Variants in KCNQ3 observed in about 807,000 individuals in gnomAD.
The protein encoded by KCNQ3 is potassium voltage-gated channel subfamily Q member 3.
Under a neutral mutation model 92.5 loss-of-function variants are expected in KCNQ3, and 30 were observed. The ratio of observed to expected loss-of-function variants is 0.32; its 90% CI spans 0.24 to 0.44. The LOEUF is 0.44. Ranked by LOEUF, KCNQ3 falls within the 20% of genes least tolerant of loss-of-function variation. KCNQ3 has a pLI of 1.00. For synonymous variants in KCNQ3, 450 were observed against 468.8 expected (o/e 0.96, Z 0.52); for missense variants, 913 against 1,140.3 (o/e 0.80, Z 2.87).
At chr8:132,422,539 G>A (rs956678173) in intron 1 of KCNQ3, among the ~76,000 whole-genome samples, 8 of 152,084 alleles carry the variant, frequency 5.3e-5, no homozygotes, top group African/African-American at 1.9e-4. Context: ...CCTTCCTTTA[G>A]TTCCTGGAAC....
chr8:132,223,121 T>C (rs1347678242), intron 1 of KCNQ3, among the ~76,000 whole-genome samples: 1 of 151,896 alleles, frequency 6.6e-6, no homozygotes, highest in Non-Finnish European at 1.5e-5. Context: ...AGTGAGATAA[T>C]ACAGAGAATA....
At chr8:132,296,799 T>C (rs1817043671) in intron 1 of KCNQ3, among the ~76,000 whole-genome samples, 1 of 151,968 alleles carries the variant, frequency 6.6e-6, no homozygotes, top group South Asian at 2.1e-4. Flanking sequence ...TTGTTGGACA[T>C]TTGGGTTGGT....
chr8:132,248,334 G>GTATATATATATATATATA (rs5895135), intron 1 of KCNQ3, among the ~76,000 whole-genome samples: 1 of 144,146 alleles, frequency 6.9e-6, no homozygotes. Flanking sequence ...TAGTCTATAA[G>GTATATATATATATATATA]TATATATATA....
chr8:132,209,804 G>T (rs1376083289), intron 1 of KCNQ3, among the ~76,000 whole-genome samples: 3 of 152,108 alleles, frequency 2.0e-5, no homozygotes, highest in African/African-American at 7.2e-5. Context: ...ATGTTCAGTA[G>T]TTCAGGTGTA....
chr8:132,337,230 TC>T (rs1339540929), intron 1 of KCNQ3, among the ~76,000 whole-genome samples: 1 of 152,226 alleles, frequency 6.6e-6, no homozygotes, highest in Non-Finnish European at 1.5e-5. Flanking sequence ...ATGCCTGTAA[TC>T]CCAGCACTTT....
At chr8:132,184,195 A>C in intron 3 of KCNQ3, 46 bp downstream of exon 3, 2 of 1,613,298 alleles carry the variant, frequency 1.2e-6, no homozygotes, top group Non-Finnish European at 1.7e-6. Flanking sequence ...CAATGCCCCA[A>C]AAGAAGGGAA....
At position 132,141,162 on chromosome 8, in the gene KCNQ3, T is replaced by C. The variant is rs763476056; in HGVS notation, c.1432A>G (p.Met478Val). ...NKERFRTAFRMKAYAFWQSSE... is the reference protein window; with the variant it reads ...NKERFRTAFRVKAYAFWQSSE... Reference sequence around the variant, plus strand: ...CTCTGCCAGAAAGCGTAGGCTTTCATGCGGAAGGCCGTGCGGAAACGCTCT... The same window carrying C: ...CTCTGCCAGAAAGCGTAGGCTTTCACGCGGAAGGCCGTGCGGAAACGCTCT... The change falls in exon 10 of 15, where the codon ATG (methionine) becomes GTG (valine). Residue 478 changes from methionine to valine, a missense_variant. By Grantham distance (21) the Met-to-Val change is conservative (BLOSUM62 1). Transcript: ENST00000388996. 9 of 1,614,178 alleles carry C rather than the reference T, an allele frequency of 5.6e-6. No individual in the cohort carries two copies. Among genetic ancestry groups the C allele is most frequent in the South Asian group, 4.4e-5 (4 of 91,086 alleles).
At chr8:132,259,332 C>T (rs999593841) in intron 1 of KCNQ3, among the ~76,000 whole-genome samples, 1 of 152,034 alleles carries the variant, frequency 6.6e-6, no homozygotes, top group Non-Finnish European at 1.5e-5. Context: ...CCCGGTAATG[C>T]AAAGTTGATT....
At chr8:132,211,377 G>A (rs1171444423) in intron 1 of KCNQ3, among the ~76,000 whole-genome samples, 1 of 152,184 alleles carries the variant, frequency 6.6e-6, no homozygotes, top group Non-Finnish European at 1.5e-5. Flanking sequence ...ACAACTGATA[G>A]CAATGCAAAA....
intron 1 of KCNQ3, among the ~76,000 whole-genome samples, chr8:132,434,165 GC>G (rs1320552821): frequency 6.9e-6 from 1 of 145,192 alleles, no homozygotes; most frequent in African/African-American, 2.5e-5. Flanking sequence ...CCGAGATCCC[GC>G]CACTGCACTC....
At chr8:132,174,600 C>T (rs537792487) in intron 5 of KCNQ3, among the ~76,000 whole-genome samples, 9 of 152,246 alleles carry the variant, frequency 5.9e-5, no homozygotes, top group East Asian at 3.9e-4. Flanking sequence ...TGTATGTACA[C>T]GAGCATTCAT....
intron 1 of KCNQ3, among the ~76,000 whole-genome samples, chr8:132,301,691 C>A (rs1345093770): frequency 6.6e-6 from 1 of 151,888 alleles, no homozygotes; most frequent in Non-Finnish European, 1.5e-5. Flanking sequence ...CAGATTCTGC[C>A]CTGAGAATTG....
At chr8:132,311,423 G>A (rs554847089) in intron 1 of KCNQ3, among the ~76,000 whole-genome samples, 2 of 152,288 alleles carry the variant, frequency 1.3e-5, no homozygotes, top group South Asian at 4.1e-4. Flanking sequence ...AGAATTGGAG[G>A]ACAGATGTGT....
At position 132,154,210 on chromosome 8, in the gene KCNQ3, T is replaced by A. The variant is rs1474837350; in HGVS notation, c.1262+9258A>T. Among the ~76,000 whole-genome samples the A allele has an allele frequency of 3.6e-4, 52 of 144,934 alleles. 2 individuals are homozygous for A. The highest frequency in any genetic ancestry group is 1.3e-3 in the African/African-American group (52 of 39,508). ...GGGTAAAAGTTTTTTTTTTTTTTTT[T>A]TTTTTTTTTTTTTAGCCAATCAGGC... On this transcript the variant is annotated intron_variant, in intron 9 of 14. Coordinates refer to ENST00000388996, the MANE Select transcript of KCNQ3 (RefSeq NM_004519.4).
intron 1 of KCNQ3, among the ~76,000 whole-genome samples, chr8:132,299,873 A>G (rs1312378163): frequency 1.3e-5 from 2 of 152,236 alleles, no homozygotes; most frequent in Non-Finnish European, 2.9e-5. Context: ...ATGCCAGGCA[A>G]TGACAGAAAT....
At chr8:132,351,370 C>T (rs1240316085) in intron 1 of KCNQ3, among the ~76,000 whole-genome samples, 2 of 152,142 alleles carry the variant, frequency 1.3e-5, no homozygotes, top group Non-Finnish European at 2.9e-5. Flanking sequence ...AAACTACATC[C>T]CTGGGGATAC....
chr8:132,296,851 C>T (rs1251149756), intron 1 of KCNQ3, among the ~76,000 whole-genome samples: 10 of 151,668 alleles, frequency 6.6e-5, no homozygotes, highest in Admixed American at 2.0e-4. Context: ...AATAAACATA[C>T]GTGTGCATGT....
intron 1 of KCNQ3, among the ~76,000 whole-genome samples, chr8:132,408,448 G>A (rs1012865887): frequency 1.3e-5 from 2 of 152,082 alleles, no homozygotes; most frequent in Admixed American, 6.5e-5. Context: ...CTGTGCCCTG[G>A]GGATACAGGG....
chr8:132,248,161 G>T (rs563199056), intron 1 of KCNQ3, among the ~76,000 whole-genome samples: 3 of 152,156 alleles, frequency 2.0e-5, no homozygotes, highest in East Asian at 1.9e-4. Context: ...GCATGTAAGA[G>T]AAACACTTCC....
Sources: gnomAD v4.1 joint callset for allele counts (sites outside exome capture counted in the v4.1 genomes callset) on GRCh38, gnomAD v4.1.1 for gene constraint, MANE v1.5 for transcripts, NCBI Gene and HGNC (gene_info 2026-07-23, HGNC 2026-07-21) for gene names.